The following PAX5 variants were observed in gnomAD, a reference collection of about 807,000 sequenced individuals.
PAX5 encodes paired box 5.
PAX5 carries 9 observed loss-of-function variants against 43.7 expected under a neutral mutation model. The observed-to-expected ratio is 0.21, with a 90% CI of 0.12 to 0.36. The LOEUF (loss-of-function observed/expected upper bound fraction) is 0.36. Among genes scored for constraint, PAX5 ranks in the 10% least tolerant of loss-of-function variants. The pLI is 1.00. For missense variants in PAX5, 383 were observed against 532.7 expected (o/e 0.72, Z 2.77); for synonymous variants, 228 against 214.3 (o/e 1.06, Z -0.56).
chr9:36,876,264 A>T (rs1405337029), intron 8 of PAX5, among the ~76,000 whole-genome samples: 2 of 152,200 alleles, frequency 1.3e-5, no homozygotes, highest in East Asian at 3.9e-4. Context: ...TACTTCTTTA[A>T]GAAAATAAAA....
chr9:36,848,761 C>T (rs1822855176), intron 8 of PAX5, among the ~76,000 whole-genome samples: 1 of 152,214 alleles, frequency 6.6e-6, no homozygotes, highest in South Asian at 2.1e-4. Flanking sequence ...GCTGCCTGGC[C>T]CAGCTTCAAG....
Position 36,882,155 on chromosome 9 carries a change from CG to C in PAX5, c.911-51del. On this transcript the variant is annotated intron_variant, in intron 7 of 9. Coordinates refer to ENST00000358127, the MANE Select transcript of PAX5 (RefSeq NM_016734.3). The surrounding 1 kb of genome is among the most constrained non-coding windows in gnomAD (Gnocchi z 4.4). ...CAGGGTGAGCATCTTCGCGGCCAGC[CG>C]CTCATGTCCACAGCTCCCTGGACGC... 2 of 1,437,160 alleles carry C rather than the reference CG, an allele frequency of 1.4e-6. No homozygotes were observed. The highest frequency in any genetic ancestry group is 1.9e-6 in the Non-Finnish European group (2 of 1,051,454). The allele number at this position is 1,437,160 out of a possible 1,614,324, so 89.0% of individuals were successfully genotyped here.
At chr9:36,868,450 C>A (rs1825113732) in intron 8 of PAX5, among the ~76,000 whole-genome samples, 1 of 152,182 alleles carries the variant, frequency 6.6e-6, no homozygotes, top group Non-Finnish European at 1.5e-5. Flanking sequence ...GGGGTGCACA[C>A]AGTGGGGAGA....
chr9:36,843,108 G>T (rs1822230330), intron 9 of PAX5, among the ~76,000 whole-genome samples: 1 of 151,912 alleles, frequency 6.6e-6, no homozygotes, highest in African/African-American at 2.4e-5. Context: ...GTGTGTGTGA[G>T]TGTATGAGTG....
At chr9:36,950,104 C>T (rs746041031) in intron 6 of PAX5, among the ~76,000 whole-genome samples, 24 of 152,180 alleles carry the variant, frequency 1.6e-4, no homozygotes, top group Non-Finnish European at 2.6e-4. Flanking sequence ...CATAATCTTC[C>T]TTGCATGCTC....
intron 6 of PAX5, among the ~76,000 whole-genome samples, chr9:36,951,584 C>A (rs1427855241): frequency 6.6e-6 from 1 of 152,184 alleles, no homozygotes; most frequent in African/African-American, 2.4e-5. Flanking sequence ...TCAGTCCTTG[C>A]AAACTTTCAG....
intron 5 of PAX5, among the ~76,000 whole-genome samples, chr9:36,978,851 AG>A (rs1429096230): frequency 6.6e-6 from 1 of 152,224 alleles, no homozygotes; most frequent in Non-Finnish European, 1.5e-5. Context: ...CATTACCCGC[AG>A]CAGGCAGCCC....
At chr9:37,017,777 G>A (rs1012751194) in intron 2 of PAX5, among the ~76,000 whole-genome samples, 3 of 152,248 alleles carry the variant, frequency 2.0e-5, no homozygotes, top group Non-Finnish European at 4.4e-5. Context: ...GAAGACTGCG[G>A]CCTTGACATG....
Position 36,869,104 on chromosome 9 carries a change from C to T in PAX5, c.1012+12900G>A, listed in dbSNP as rs183375726. On this transcript the variant is annotated intron_variant, in intron 8 of 9. Transcript: ENST00000358127. ...CAGAAGTTCTCTGGATAGCAGTATC[C>T]CAGGTGGAGTGACCCTCAGGGTTGG... Among the ~76,000 whole-genome samples the T allele has an allele frequency of 4.6e-5, 7 of 152,308 alleles. No individual in the cohort carries two copies. The East Asian group carries it at 7.7e-4, about 17-fold the overall frequency.
rs529870260 is a variant in PAX5, at chr9:36,970,140, G to A, written c.605-3416C>T. On this transcript the variant is annotated intron_variant, in intron 5 of 9. Coordinates refer to ENST00000358127, the MANE Select transcript of PAX5 (RefSeq NM_016734.3). ...GAATAAACATAGGATTACAAACAACGGTGACTGATGCTAGGGTGAAAAGAG... is the reference window on the plus strand; with the variant it reads ...GAATAAACATAGGATTACAAACAACAGTGACTGATGCTAGGGTGAAAAGAG... 1.8e-4 allele frequency among the ~76,000 whole-genome samples: 27 copies of A among 152,280 alleles called. No homozygotes were observed. The South Asian group carries it at 3.3e-3, about 19-fold the overall frequency.
rs943367618 is a variant in PAX5, at chr9:36,837,044, G to C, written c.*3516C>G. 1 of 232,858 alleles carries C rather than the reference G, an allele frequency of 4.3e-6. No individual in the cohort carries two copies. 14.4% of individuals were successfully genotyped at this position (232,858 alleles called of 1,614,324 possible). A position where few individuals can be genotyped will look rare whatever the true frequency, so the allele number is the denominator to read the frequency against. On this transcript the variant is annotated 3_prime_UTR_variant, in exon 10 of 10. Transcript: ENST00000358127. ...GGCCCCTAGGTCAGGCCAGCCTCTG[G>C]GTCCCTGTTCTTTCTTGCCTGATTG...
At chr9:36,934,284 A>G (rs1831372225) in intron 6 of PAX5, among the ~76,000 whole-genome samples, 1 of 152,226 alleles carries the variant, frequency 6.6e-6, no homozygotes. Flanking sequence ...ATCAGAATAA[A>G]GCCCTGGAGG....
At chr9:36,847,863 G>A (rs1229780624) in intron 8 of PAX5, among the ~76,000 whole-genome samples, 1 of 152,150 alleles carries the variant, frequency 6.6e-6, no homozygotes, top group Non-Finnish European at 1.5e-5. Flanking sequence ...TTACCACCTT[G>A]CTGCCTTGGT....
chr9:36,976,928 A>C (rs1367366433), intron 5 of PAX5, among the ~76,000 whole-genome samples: 1 of 152,064 alleles, frequency 6.6e-6, no homozygotes, highest in East Asian at 1.9e-4. Context: ...GAGGCCTCTG[A>C]CTCCTGCCTC....
At position 37,020,640 on chromosome 9, in the gene PAX5, C is replaced by T. The variant is rs2132502875; in HGVS notation, c.208G>A (p.Gly70Ser). 1 of 1,614,080 alleles carries T rather than the reference C, an allele frequency of 6.2e-7. No individual in the cohort carries two copies. Among genetic ancestry groups the T allele is most frequent in the East Asian group, 2.2e-5 (1 of 44,886 alleles). The change falls in exon 2 of 10, where the codon GGC becomes AGC. Residue 70 changes from glycine to serine, a missense_variant. By Grantham distance (56) the Gly-to-Ser change is moderately conservative. Coordinates refer to ENST00000358127, the MANE Select transcript of PAX5 (RefSeq NM_016734.3). The part of the protein sequence containing the change: ...VSHGCVSKIL[G>S]RYYETGSIKP... Reference sequence around the variant, plus strand: ...GCCTCGAGCTACTGCCTTTACCTGCCAAGAATTTTGCTGACACAACCATGG... The same window carrying T: ...GCCTCGAGCTACTGCCTTTACCTGCTAAGAATTTTGCTGACACAACCATGG...
chr9:36,882,764 G>A lies in PAX5; in HGVS notation c.911-659C>T, dbSNP rs59105374. ...AAACACTGTTCTGGCCCTGGGACATGGAGGTTAAGGCCTCAGCCCTCAAGG... is the reference window on the plus strand; with the variant it reads ...AAACACTGTTCTGGCCCTGGGACATAGAGGTTAAGGCCTCAGCCCTCAAGG... On this transcript the variant is annotated intron_variant, in intron 7 of 9. Coordinates refer to ENST00000358127, the MANE Select transcript of PAX5 (RefSeq NM_016734.3). The surrounding 1 kb of genome is among the most constrained non-coding windows in gnomAD (Gnocchi z 4.4). Among the ~76,000 whole-genome samples, 975 of 152,372 alleles carry A rather than the reference G, an allele frequency of 6.4e-3. 8 individuals are homozygous for A. Among genetic ancestry groups the A allele is most frequent in the African/African-American group, 0.021 (878 of 41,582 alleles).
intron 1 of PAX5, among the ~76,000 whole-genome samples, chr9:37,031,177 T>A (rs1840943981): frequency 6.6e-6 from 1 of 152,158 alleles, no homozygotes; most frequent in Non-Finnish European, 1.5e-5. Context: ...TTTTCAAGAA[T>A]CATGTAAAAT....
chr9:36,973,068 A>AAC (rs1835062311), intron 5 of PAX5, among the ~76,000 whole-genome samples: 2 of 110,324 alleles, frequency 1.8e-5, no homozygotes, highest in African/African-American at 7.3e-5. Flanking sequence ...AGGAAAGGAA[A>AAC]GGAACGGAAC....
At chr9:36,933,808 C>T (rs1011326523) in intron 6 of PAX5, among the ~76,000 whole-genome samples, 1 of 152,164 alleles carries the variant, frequency 6.6e-6, no homozygotes, top group Non-Finnish European at 1.5e-5. Flanking sequence ...TGGCAAGGGA[C>T]CTGGAGACCT....
Sources: allele counts gnomAD v4.1 joint callset (sites outside exome capture counted in the v4.1 genomes callset), GRCh38; gene constraint gnomAD v4.1.1; non-coding constraint Gnocchi (gnomAD v3.1); transcripts MANE v1.5; gene names NCBI Gene and HGNC (gene_info 2026-07-23, HGNC 2026-07-21).